PTAFR: variants seen among roughly 807,000 people sequenced by gnomAD.
The protein encoded by PTAFR is platelet-activating factor receptor.
Under a neutral mutation model 14.7 loss-of-function variants are expected in PTAFR, and 8 were observed. That is an observed-to-expected ratio of 0.54 (90% confidence interval 0.32 to 0.98). The LOEUF is 0.98. Among genes scored for constraint, PTAFR ranks in the 50% least tolerant of loss-of-function variants. PTAFR has a pLI of 0.04. For missense variants in PTAFR, 337 were observed against 451.2 expected (o/e 0.75, Z 2.29); for synonymous variants, 156 against 176.5 (o/e 0.88, Z 0.92).
At chr1:28,158,110 AT>A (rs1206278851) in intron 1 of PTAFR, among the ~76,000 whole-genome samples, 1 of 152,132 alleles carries the variant, frequency 6.6e-6, no homozygotes, top group African/African-American at 2.4e-5. Flanking sequence ...CTCACAGGCC[AT>A]TTTGCAAGAG....
chr1:28,189,640 A>G (rs1392720536), intron 1 of PTAFR, among the ~76,000 whole-genome samples: 2 of 151,782 alleles, frequency 1.3e-5, no homozygotes, highest in African/African-American at 2.4e-5. Flanking sequence ...ATAAATAAAC[A>G]TAATGCGATA....
chr1:28,166,828 A>C (rs1646390940), intron 1 of PTAFR, among the ~76,000 whole-genome samples: 1 of 152,134 alleles, frequency 6.6e-6, no homozygotes, highest in Non-Finnish European at 1.5e-5. Context: ...AATTTAAAAA[A>C]TTAGCTGAGC....
intron 1 of PTAFR, among the ~76,000 whole-genome samples, chr1:28,152,255 T>G (rs2148992834): frequency 6.6e-6 from 1 of 152,274 alleles, no homozygotes; most frequent in South Asian, 2.1e-4. Context: ...TAGCACCTGA[T>G]AGTCAATACA....
At chr1:28,191,485 G>T (rs537284290) in intron 1 of PTAFR, among the ~76,000 whole-genome samples, 1 of 152,186 alleles carries the variant, frequency 6.6e-6, no homozygotes, top group Non-Finnish European at 1.5e-5. Context: ...TGTAGTCCAA[G>T]CGTTTTGGGA....
chr1:28,173,008 G>T (rs946366044), intron 1 of PTAFR, among the ~76,000 whole-genome samples: 1 of 147,640 alleles, frequency 6.8e-6, no homozygotes, highest in Non-Finnish European at 1.5e-5. Context: ...AGTGGCTCAC[G>T]CCTGTAATCC....
At chr1:28,162,525 G>A (rs1646335838) in intron 1 of PTAFR, among the ~76,000 whole-genome samples, 1 of 152,100 alleles carries the variant, frequency 6.6e-6, no homozygotes, top group East Asian at 1.9e-4. Context: ...CAGATCTCCT[G>A]TATCAGAATC....
At chr1:28,171,447 G>A (rs1646453639) in intron 1 of PTAFR, among the ~76,000 whole-genome samples, 2 of 152,086 alleles carry the variant, frequency 1.3e-5, no homozygotes, top group Admixed American at 1.3e-4. Flanking sequence ...ATGCCCTGTT[G>A]CTTGATATTT....
rs187106716 is a variant in PTAFR at position 28,150,538 on chromosome 1, G to A, written c.484C>T (p.Pro162Ser). 6.3e-5 allele frequency: 102 copies of A among 1,614,202 alleles called. 1 individual carries two copies. The Admixed American group carries it at 1.6e-3, about 26-fold the overall frequency. ...FLILDSTNTV[P>S]DSAGSGNVTR... ...ACGTTGCCTGAGCCAGCACTGTCGG[G>A]CACTGTGTTGGTGGAGTCCAGGATG... Residue 162 changes from proline (P) to serine (S), a missense_variant, in exon 2 of 2, where the codon CCC (proline) becomes TCC (serine). Transcript: ENST00000373857. The surrounding 1 kb of genome is among the most constrained non-coding windows in gnomAD (Gnocchi z 6.3).
chr1:28,153,124 G>A (rs914443718), intron 1 of PTAFR, among the ~76,000 whole-genome samples: 4 of 152,004 alleles, frequency 2.6e-5, no homozygotes, highest in African/African-American at 7.3e-5. Flanking sequence ...TGAGACTCCC[G>A]TCTCTAGTAA....
chr1:28,178,611 G>C (rs1646537211), upstream of PTAFR, among the ~76,000 whole-genome samples: 1 of 151,962 alleles, frequency 6.6e-6, no homozygotes, highest in African/African-American at 2.4e-5. Context: ...CTAGAGCCAA[G>C]CATCTGCCCC....
chr1:28,188,400 C>T (rs1369104227), intron 1 of PTAFR, among the ~76,000 whole-genome samples: 1 of 152,194 alleles, frequency 6.6e-6, no homozygotes, highest in East Asian at 1.9e-4. Context: ...GAGCCAAGAT[C>T]TTGCCACTGC....
intron 1 of PTAFR, among the ~76,000 whole-genome samples, chr1:28,154,294 G>A (rs190345276): frequency 1.3e-5 from 2 of 152,184 alleles, no homozygotes; most frequent in African/African-American, 4.8e-5. Flanking sequence ...AAGGTCACAC[G>A]GCTATTAAGG....
intron 1 of PTAFR, among the ~76,000 whole-genome samples, chr1:28,152,241 T>G (rs1226284161): frequency 6.6e-6 from 1 of 152,124 alleles, no homozygotes; most frequent in African/African-American, 2.4e-5. Flanking sequence ...GTTTTTACAA[T>G]AAATAGCACC....
rs144425641 is a variant in PTAFR, at chr1:28,172,681, T to C, written c.-39+3911A>G. On this transcript the variant is annotated intron_variant, in intron 1 of 1. Coordinates refer to ENST00000373857, the MANE Select transcript of PTAFR (RefSeq NM_000952.5). ...AGAAGCAACCAAACTGGCCATGCAC[T>C]AAGCCAGCTACACATTCTCTCCTAG... is the stretch of plus-strand genomic sequence containing the variant. Among the ~76,000 whole-genome samples the C allele has an allele frequency of 2.0e-5, 3 of 152,344 alleles. No individual in the cohort carries two copies. In the East Asian group the frequency reaches 5.8e-4, roughly 29 times the overall value.
chr1:28,170,557 A>G (rs1479996226), intron 1 of PTAFR, among the ~76,000 whole-genome samples: 3 of 152,124 alleles, frequency 2.0e-5, no homozygotes, highest in Admixed American at 1.3e-4. Flanking sequence ...AAAAATTAAA[A>G]AAAAAATTAG....
rs567158731 is a variant in PTAFR at position 28,156,888 on chromosome 1, T to C, written c.-38-5829A>G. 7.8e-3 allele frequency among the ~76,000 whole-genome samples: 1,190 copies of C among 152,160 alleles called. 20 individuals carry two copies. The highest frequency in any genetic ancestry group is 0.027 in the African/African-American group (1,126 of 41,506). ...GGCCTGTGTGGTGGCTGGGGGCAGC[T>C]CACAGCTGGGCAGGGCATGGTGCTC... On this transcript the variant is annotated intron_variant, in intron 1 of 1. Coordinates refer to ENST00000373857, the MANE Select transcript of PTAFR (RefSeq NM_000952.5).
intron 1 of PTAFR, among the ~76,000 whole-genome samples, chr1:28,155,270 G>T (rs929842096): frequency 9.2e-5 from 14 of 152,168 alleles, no homozygotes; most frequent in African/African-American, 3.4e-4. Flanking sequence ...GAGCGCAGTG[G>T]TGCAATCTCG....
intron 1 of PTAFR, among the ~76,000 whole-genome samples, chr1:28,186,023 G>T (rs1026347556): frequency 3.9e-5 from 6 of 151,970 alleles, no homozygotes; most frequent in African/African-American, 1.5e-4. Flanking sequence ...TGTCACCCAT[G>T]CTGGAGTGCA....
At position 28,150,973 on chromosome 1, in the gene PTAFR, G is replaced by C. The variant is rs2148992271; in HGVS notation, c.49C>G (p.Leu17Val). The change falls in exon 2 of 2, where the codon CTC becomes GTC. Residue 17 changes from leucine to valine, a missense_variant. By Grantham distance (32) the Leu-to-Val change is conservative. Transcript: ENST00000373857. The surrounding 1 kb of genome is among the most constrained non-coding windows in gnomAD (Gnocchi z 6.3). ...SHMDSEFRYT[L>V]FPIVYSIIFV... is the part of the protein sequence containing the mutation. ...ATGATGCTGTAAACAATCGGGAAGAGAGTGTATCGGAACTCAGAGTCCATG... is the reference window on the plus strand; with the variant it reads ...ATGATGCTGTAAACAATCGGGAAGACAGTGTATCGGAACTCAGAGTCCATG... The C allele has an allele frequency of 1.2e-6, 2 of 1,611,708 alleles. No individual in the cohort carries two copies. The highest frequency in any genetic ancestry group is 2.7e-5 in the African/African-American group (2 of 74,990).
Sources: gnomAD v4.1 joint callset for allele counts (sites outside exome capture counted in the v4.1 genomes callset) on GRCh38, gnomAD v4.1.1 for gene constraint, Gnocchi (gnomAD v3.1) non-coding constraint, MANE v1.5 for transcripts, NCBI Gene and HGNC (gene_info 2026-07-23, HGNC 2026-07-21) for gene names.